PACRG: variants seen among roughly 807,000 people sequenced by gnomAD.
PACRG encodes the protein parkin coregulated gene protein.
PACRG carries 29 observed loss-of-function variants against 29.7 expected under a neutral mutation model. The ratio of observed to expected loss-of-function variants is 0.98; its 90% confidence interval spans 0.73 to 1.33. The LOEUF (loss-of-function observed/expected upper bound fraction) is 1.33, where lower values mean the gene tolerates loss of function less well. Ranked by LOEUF, PACRG falls within the 40% of genes most tolerant of loss-of-function variation. The pLI is 0.00. For missense variants in PACRG, 279 were observed against 316.2 expected, an observed-to-expected ratio of 0.88 and a Z score of 0.89; for synonymous variants, 116 against 118.7, an observed-to-expected ratio of 0.98 and a Z score of 0.15.
chr6:162,729,804 A>C (rs922617374), intron 1 of PACRG, among the ~76,000 whole-genome samples: 7 of 151,980 alleles, frequency 4.6e-5, no homozygotes, highest in African/African-American at 1.7e-4. Context: ...ATAATCTTAC[A>C]CCTAAAGAGA....
chr6:162,824,062 C>T (rs1294200584), intron 2 of PACRG, among the ~76,000 whole-genome samples: 1 of 152,154 alleles, frequency 6.6e-6, no homozygotes, highest in Non-Finnish European at 1.5e-5. Context: ...CTGTCTTTGC[C>T]TGCCTTTACC....
intron 2 of PACRG, among the ~76,000 whole-genome samples, chr6:162,883,415 T>C (rs1346997350): frequency 6.6e-6 from 1 of 152,252 alleles, no homozygotes; most frequent in Admixed American, 6.5e-5. Context: ...ACCAAATATC[T>C]GGTACATTAC....
chr6:162,784,287 T>A (rs1354806380), intron 1 of PACRG, among the ~76,000 whole-genome samples: 1 of 152,194 alleles, frequency 6.6e-6, no homozygotes, highest in Non-Finnish European at 1.5e-5. Flanking sequence ...TTTAACTAAG[T>A]CCTAGCTAGT....
At chr6:163,142,671 C>G (rs539243671) in intron 4 of PACRG, among the ~76,000 whole-genome samples, 2 of 152,254 alleles carry the variant, frequency 1.3e-5, no homozygotes, top group African/African-American at 4.8e-5. Flanking sequence ...TCCTAAGTAA[C>G]ATGTTGTCAT....
intron 2 of PACRG, among the ~76,000 whole-genome samples, chr6:163,031,619 A>G (rs551064778): frequency 2.0e-5 from 3 of 152,376 alleles, no homozygotes; most frequent in Admixed American, 6.5e-5. Flanking sequence ...TTATTTGTAT[A>G]AAGTACAACA....
At chr6:163,140,706 T>C (rs1395061405) in intron 4 of PACRG, among the ~76,000 whole-genome samples, 1 of 152,234 alleles carries the variant, frequency 6.6e-6, no homozygotes, top group East Asian at 1.9e-4. Context: ...CACATGTTCA[T>C]TCTGTTATTA....
chr6:163,230,933 T>G (rs1391894251), intron 4 of PACRG, among the ~76,000 whole-genome samples: 13 of 152,144 alleles, frequency 8.5e-5, no homozygotes, highest in Admixed American at 8.5e-4. Context: ...TACAGCCTCG[T>G]GAAAGAAGCC....
At chr6:163,228,688 C>T (rs1781906532) in intron 4 of PACRG, among the ~76,000 whole-genome samples, 1 of 152,062 alleles carries the variant, frequency 6.6e-6, no homozygotes, top group African/African-American at 2.4e-5. Flanking sequence ...TGTAACATTT[C>T]CCAAAGTAAA....
At chr6:162,952,999 G>A (rs1253882139) in intron 2 of PACRG, among the ~76,000 whole-genome samples, 1 of 152,172 alleles carries the variant, frequency 6.6e-6, no homozygotes, top group African/African-American at 2.4e-5. Context: ...CTCCATGGCT[G>A]TAGTCTGTGT....
At chr6:163,189,337 A>C (rs1008296) in intron 4 of PACRG, 3 of 152,166 alleles carry the variant, frequency 2.0e-5, no homozygotes, top group Non-Finnish European at 4.4e-5. Context: ...TTTGTTAACA[A>C]GGTGTTTTAA....
intron 1 of PACRG, among the ~76,000 whole-genome samples, chr6:162,810,490 A>G (rs545874025): frequency 6.6e-6 from 1 of 152,362 alleles, no homozygotes; most frequent in East Asian, 1.9e-4. Flanking sequence ...AAATGTTAGA[A>G]ATGTCTAGGG....
intron 4 of PACRG, among the ~76,000 whole-genome samples, chr6:163,159,917 C>T (rs554904694): frequency 2.0e-5 from 3 of 152,212 alleles, no homozygotes; most frequent in Non-Finnish European, 4.4e-5. Flanking sequence ...CTCCTGCCTC[C>T]TTCCAGGATG....
intron 2 of PACRG, among the ~76,000 whole-genome samples, chr6:162,885,491 G>C (rs369870139): frequency 1.3e-5 from 2 of 150,014 alleles, no homozygotes; most frequent in Admixed American, 1.3e-4. Context: ...TGTTGATCTC[G>C]AACTCCTGAC....
chr6:162,936,928 G>C (rs1293545080), intron 2 of PACRG, among the ~76,000 whole-genome samples: 1 of 151,988 alleles, frequency 6.6e-6, no homozygotes, highest in East Asian at 1.9e-4. Flanking sequence ...ATAGAGAGAG[G>C]TCAAGGCCAT....
chr6:162,879,129 T>C (rs1793617067), intron 2 of PACRG, among the ~76,000 whole-genome samples: 1 of 152,174 alleles, frequency 6.6e-6, no homozygotes, highest in Admixed American at 6.5e-5. Context: ...CCCCATGTAA[T>C]TCTCTATCAA....
At chr6:163,020,281 T>G (rs145477111) in intron 2 of PACRG, among the ~76,000 whole-genome samples, 1 of 152,186 alleles carries the variant, frequency 6.6e-6, no homozygotes, top group Admixed American at 6.5e-5. Flanking sequence ...AATACACCGG[T>G]CACCTTGTCA....
intron 2 of PACRG, among the ~76,000 whole-genome samples, chr6:162,976,063 A>G (rs73607882): frequency 0.057 from 8,628 of 152,178 alleles, 675 homozygotes; most frequent in African/African-American, 0.17. Context: ...GCAAAAACAA[A>G]CAAACACGAA....
At chr6:163,081,311 A>T (rs1813051975) in intron 3 of PACRG, among the ~76,000 whole-genome samples, 1 of 152,240 alleles carries the variant, frequency 6.6e-6, no homozygotes, top group Admixed American at 6.5e-5. Flanking sequence ...ATTCATAAAG[A>T]CAAAAAGTAG....
intron 4 of PACRG, among the ~76,000 whole-genome samples, chr6:163,292,229 T>C (rs1316264191): frequency 6.6e-6 from 1 of 152,150 alleles, no homozygotes; most frequent in African/African-American, 2.4e-5. Context: ...GGGGATAGGA[T>C]GGGCTTAAGC....
Sources: allele counts gnomAD v4.1 joint callset (sites outside exome capture counted in the v4.1 genomes callset), GRCh38; gene constraint gnomAD v4.1.1; transcripts MANE v1.5; gene names NCBI Gene and HGNC (gene_info 2026-07-23, HGNC 2026-07-21).